The following FOXP1 variants were observed in gnomAD, a reference collection of about 807,000 sequenced individuals.
FOXP1 encodes forkhead box P1.
Under a neutral mutation model 98.2 loss-of-function variants are expected in FOXP1, and 15 were observed. The ratio of observed to expected loss-of-function variants is 0.15; its 90% confidence interval spans 0.10 to 0.24. The LOEUF (loss-of-function observed/expected upper bound fraction) is 0.24. FOXP1 is among the 10% of genes least tolerant of loss of function. The pLI is 1.00. For missense variants in FOXP1, 633 were observed against 848.5 expected (o/e 0.75, Z 3.15); for synonymous variants, 371 against 314.5 (o/e 1.18, Z -1.90).
chr3:71,029,023 T>G (rs1190284422), intron 11 of FOXP1, among the ~76,000 whole-genome samples: 2 of 152,226 alleles, frequency 1.3e-5, no homozygotes, highest in Admixed American at 1.3e-4. Context: ...CTCACTCACG[T>G]GCCTCACCTC....
At chr3:71,386,586 C>CA (rs935658514) in intron 3 of FOXP1, among the ~76,000 whole-genome samples, 1 of 151,706 alleles carries the variant, frequency 6.6e-6, no homozygotes, top group Non-Finnish European at 1.5e-5. Context: ...ACTAAAAATA[C>CA]AAAAAAATTA....
At chr3:71,429,934 C>G (rs1293317963) in intron 3 of FOXP1, among the ~76,000 whole-genome samples, 1 of 152,192 alleles carries the variant, frequency 6.6e-6, no homozygotes, top group African/African-American at 2.4e-5. Context: ...ATTTGCATAT[C>G]CAGTGAAAAA....
chr3:71,158,177 G>GA, intron 6 of FOXP1, among the ~76,000 whole-genome samples: 3 of 138,276 alleles, frequency 2.2e-5, no homozygotes, highest in Admixed American at 7.3e-5. Context: ...AGGAAGGAAG[G>GA]AGGGAAGGAG....
At chr3:71,252,347 A>G (rs1340675962) in intron 5 of FOXP1, among the ~76,000 whole-genome samples, 1 of 152,202 alleles carries the variant, frequency 6.6e-6, no homozygotes, top group Non-Finnish European at 1.5e-5. Context: ...TAAATAATGA[A>G]TTTCCTCATG....
chr3:71,167,232 T>C (rs2061435432), intron 6 of FOXP1, among the ~76,000 whole-genome samples: 1 of 152,318 alleles, frequency 6.6e-6, no homozygotes, highest in East Asian at 1.9e-4. Flanking sequence ...ACAGCTTTTA[T>C]ATACGAAGGC....
chr3:71,464,453 G>A (rs1036781408), intron 3 of FOXP1, among the ~76,000 whole-genome samples: 1 of 152,188 alleles, frequency 6.6e-6, no homozygotes, highest in African/African-American at 2.4e-5. Context: ...AAGTTGGAGT[G>A]CTCTCCTGAG....
chr3:71,496,786 A>G (rs1315364613), intron 2 of FOXP1, among the ~76,000 whole-genome samples: 1 of 152,152 alleles, frequency 6.6e-6, no homozygotes, highest in East Asian at 1.9e-4. Context: ...CAGCCTGGCG[A>G]CAGAGCAAGA....
chr3:71,280,384 G>A (rs1301783820), intron 5 of FOXP1, among the ~76,000 whole-genome samples: 2 of 150,356 alleles, frequency 1.3e-5, no homozygotes, highest in East Asian at 2.0e-4. Context: ...GCAGTGGTGC[G>A]ATCTCAGCTC....
chr3:71,112,670 A>T lies in FOXP1; in HGVS notation c.181-33T>A, dbSNP rs759178199. On this transcript the variant is annotated intron_variant, in intron 6 of 20. Coordinates refer to ENST00000649528, the MANE Select transcript of FOXP1 (RefSeq NM_001349338.3). ...GAAAAACAAGAAAATCCTTTGCGTT[A>T]CTACACAGGTTCAGGGGACTCTTCA... The T allele has an allele frequency of 7.3e-6, 11 of 1,504,758 alleles. No individual in the cohort carries two copies. In the South Asian group the frequency reaches 1.2e-4, roughly 17 times the overall value. The allele number at this position is 1,504,758 out of a possible 1,614,324, so 93.2% of individuals were successfully genotyped here.
intron 11 of FOXP1, among the ~76,000 whole-genome samples, chr3:71,020,135 CTT>C (rs1203312968): frequency 6.6e-6 from 1 of 152,006 alleles, no homozygotes; most frequent in Admixed American, 6.6e-5. Context: ...TTAAATTTCT[CTT>C]GATAATCCTT....
chr3:71,552,383 T>C (rs2045845419), intron 2 of FOXP1, among the ~76,000 whole-genome samples: 1 of 152,054 alleles, frequency 6.6e-6, no homozygotes, highest in South Asian at 2.1e-4. Context: ...CTTTATTTTC[T>C]AGGTTCAGAC....
At chr3:71,151,538 G>A (rs969093694) in intron 6 of FOXP1, among the ~76,000 whole-genome samples, 6 of 151,978 alleles carry the variant, frequency 3.9e-5, no homozygotes, top group Non-Finnish European at 8.8e-5. Flanking sequence ...GAAGAAACAC[G>A]AAGGAACATT....
At chr3:71,482,112 C>T (rs926224415) in intron 3 of FOXP1, among the ~76,000 whole-genome samples, 2 of 152,102 alleles carry the variant, frequency 1.3e-5, no homozygotes, top group African/African-American at 2.4e-5. Flanking sequence ...GCACATGTCG[C>T]CTGCTGTCTT....
intron 11 of FOXP1, among the ~76,000 whole-genome samples, chr3:71,034,500 C>T (rs2047321601): frequency 6.6e-6 from 1 of 151,084 alleles, no homozygotes; most frequent in Admixed American, 6.6e-5. Flanking sequence ...GGAGAATACC[C>T]CATAAGGTTA....
At chr3:71,356,091 G>A (rs533619888) in intron 4 of FOXP1, among the ~76,000 whole-genome samples, 2 of 151,554 alleles carry the variant, frequency 1.3e-5, no homozygotes, top group East Asian at 1.9e-4. Flanking sequence ...GCAGAAGATC[G>A]ACATCATGTA....
At chr3:71,413,985 G>A (rs569086814) in intron 3 of FOXP1, among the ~76,000 whole-genome samples, 2 of 152,220 alleles carry the variant, frequency 1.3e-5, no homozygotes, top group South Asian at 2.1e-4. Context: ...CAGGAAGGAT[G>A]TAGGGCAGAA....
chr3:71,324,963 C>T (rs980974530), intron 4 of FOXP1, among the ~76,000 whole-genome samples: 27 of 152,182 alleles, frequency 1.8e-4, no homozygotes, highest in African/African-American at 6.0e-4. Context: ...CAGCTCCCAC[C>T]CAGCTGCCAT....
At chr3:71,305,793 G>A (rs138643583) in intron 4 of FOXP1, 1 of 152,622 alleles carries the variant, frequency 6.6e-6, no homozygotes, top group Non-Finnish European at 1.5e-5. Context: ...CTGCTTTCAG[G>A]AGGCGCTCAG....
At chr3:71,534,812 A>T (rs1036018759) in intron 2 of FOXP1, among the ~76,000 whole-genome samples, 7 of 152,144 alleles carry the variant, frequency 4.6e-5, no homozygotes, top group Non-Finnish European at 8.8e-5. Flanking sequence ...TCTCATTCTC[A>T]TTATTTGTTC....
Sources: gnomAD v4.1 joint callset for allele counts (sites outside exome capture counted in the v4.1 genomes callset) on GRCh38, gnomAD v4.1.1 for gene constraint, MANE v1.5 for transcripts, NCBI Gene and HGNC (gene_info 2026-07-23, HGNC 2026-07-21) for gene names.